SLC22A16: variants seen among roughly 807,000 people sequenced by gnomAD.
SLC22A16 encodes WUGSC:RG331P03.1.
In SLC22A16, 53 loss-of-function variants were observed where a neutral mutation model predicts 52.9. The observed-to-expected ratio is 1.00, with a 90% CI of 0.80 to 1.26. The LOEUF (loss-of-function observed/expected upper bound fraction) is 1.26. Ranked by LOEUF, SLC22A16 falls within the 50% of genes most tolerant of loss-of-function variation. The pLI is 0.00. For missense variants in SLC22A16, 726 were observed against 704.0 expected (o/e 1.03, Z -0.35); for synonymous variants, 291 against 268.8 (o/e 1.08, Z -0.81).
chr6:110,431,052 C>G, intron 7 of SLC22A16, 119 bp downstream of exon 7: 2 of 840,364 alleles, frequency 2.4e-6, no homozygotes, highest in Non-Finnish European at 3.8e-6. Context: ...GTTGTTTCTA[C>G]AAACCCCATT....
intron 1 of SLC22A16, among the ~76,000 whole-genome samples, chr6:110,466,914 T>TAGAC (rs1776084166): frequency 1.7e-5 from 1 of 58,030 alleles, no homozygotes; most frequent in East Asian, 3.4e-4. Flanking sequence ...GAAAATGTGA[T>TAGAC]AGATAGATAG....
At chr6:110,466,030 A>G (rs1167845864) in intron 1 of SLC22A16, among the ~76,000 whole-genome samples, 1 of 152,148 alleles carries the variant, frequency 6.6e-6, no homozygotes, top group African/African-American at 2.4e-5. Flanking sequence ...AAAATAAACA[A>G]TGGGAAAAGG....
chr6:110,428,411 G>A (rs1445274315), intron 7 of SLC22A16, among the ~76,000 whole-genome samples: 3 of 152,184 alleles, frequency 2.0e-5, no homozygotes, highest in African/African-American at 7.2e-5. Context: ...TGACTGCTCT[G>A]TGCTCACTTT....
intron 7 of SLC22A16, 180 bp from the exon 8 acceptor site, chr6:110,425,265 A>T: frequency 6.6e-7 from 1 of 1,513,216 alleles, no homozygotes; most frequent in South Asian, 1.3e-5. Flanking sequence ...TCTTTTCCTC[A>T]TCAACGAGGT....
rs1485810430 is a variant in SLC22A16 at position 110,476,569 on chromosome 6, C to T, written c.6G>A (p.Gly2=). The T allele has an allele frequency of 2.0e-6, 3 of 1,534,374 alleles. No homozygotes were observed. The highest frequency in any genetic ancestry group is 2.4e-5 in the South Asian group (2 of 82,990). The change falls in exon 1 of 8, where the codon GGG becomes GGA. Residue 2 remains glycine (G), a synonymous_variant. Coordinates refer to ENST00000368919, the MANE Select transcript of SLC22A16 (RefSeq NM_033125.4). M[G]SRHFEGIYDH... is the part of the protein sequence containing the mutation. Reference sequence around the variant, plus strand: ...CATAAATCCCCTCGAAGTGGCGGGACCCCATGGTGCGGCCGTGCACTGGGC... The same window carrying T: ...CATAAATCCCCTCGAAGTGGCGGGATCCCATGGTGCGGCCGTGCACTGGGC...
chr6:110,442,559 C>T lies in SLC22A16; in HGVS notation c.868G>A (p.Glu290Lys). 6.2e-7 allele frequency: 1 copy of T among 1,614,184 alleles called. No homozygotes were observed. The highest frequency in any genetic ancestry group is 1.3e-5 in the African/African-American group (1 of 75,052). The part of the protein sequence containing the change: ...PFILCCWVLP[E>K]TPFWLLSEGR... ...TCTGAGAGAAGCCAAAAAGGTGTCT[C>T]TGGGAGCACCCAACAGCACAGGATA... Residue 290 changes from glutamate (E) to lysine (K), a missense_variant, in exon 4 of 8, where the codon GAG becomes AAG. Transcript: ENST00000368919.
rs773847290 is a variant in SLC22A16 at position 110,431,226 on chromosome 6, C to T, written c.1466G>A (p.Ser489Asn). 2 of 1,613,462 alleles carry T rather than the reference C, an allele frequency of 1.2e-6. No homozygotes were observed. Among genetic ancestry groups the T allele is most frequent in the Non-Finnish European group, 1.7e-6 (2 of 1,179,962 alleles). ...GSGSMVCRLASILAPFSVDLS... is the reference protein window; with the variant it reads ...GSGSMVCRLANILAPFSVDLS... Reference sequence around the variant, plus strand: ...GTCCACAGAGAACGGCGCCAGGATGCTGGCCAGGCGACACACCATGCTGCC... The same window carrying T: ...GTCCACAGAGAACGGCGCCAGGATGTTGGCCAGGCGACACACCATGCTGCC... Residue 489 changes from serine (S) to asparagine (N), a missense_variant, in exon 7 of 8, where the codon AGC (serine) becomes AAC (asparagine). Ser to Asn is a conservative substitution (Grantham distance 46). Transcript: ENST00000368919.
chr6:110,472,575 G>A (rs1287687156), intron 1 of SLC22A16, among the ~76,000 whole-genome samples: 1 of 152,096 alleles, frequency 6.6e-6, no homozygotes, highest in Non-Finnish European at 1.5e-5. Context: ...CCATGTGCTA[G>A]AAAGGTCCTA....
At position 110,438,854 on chromosome 6, in the gene SLC22A16, T is replaced by C. The variant is rs771198939; in HGVS notation, c.1184-7A>G. 8.1e-6 allele frequency: 13 copies of C among 1,613,678 alleles called. No homozygotes were observed. Among genetic ancestry groups the C allele is most frequent in the Non-Finnish European group, 1.1e-5 (13 of 1,179,776 alleles). On this transcript the variant is annotated splice_region_variant and splice_polypyrimidine_tract_variant and intron_variant, in intron 4 of 7. Transcript: ENST00000368919. ...GCGGGAATTTCCACTACACCTGTCA[T>C]TGAGCAAGCAGCCCTCTATAAGTCT...
intron 6 of SLC22A16, among the ~76,000 whole-genome samples, chr6:110,433,209 A>C (rs1286690986): frequency 1.3e-5 from 2 of 152,188 alleles, no homozygotes; most frequent in East Asian, 1.9e-4. Flanking sequence ...TTCCTCTGCT[A>C]TTCTATACCC....
chr6:110,434,584 C>G (rs1431136072), intron 6 of SLC22A16, among the ~76,000 whole-genome samples: 3 of 134,062 alleles, frequency 2.2e-5, no homozygotes, highest in African/African-American at 8.5e-5. Flanking sequence ...CCCTGAGGTT[C>G]CCAGATCAGT....
At chr6:110,452,826 C>T (rs62421688) in intron 2 of SLC22A16, among the ~76,000 whole-genome samples, 7,150 of 152,218 alleles carry the variant, frequency 0.047, 220 homozygotes, top group South Asian at 0.088. Flanking sequence ...TCATCAAATG[C>T]TTTTCCTATA....
intron 7 of SLC22A16, among the ~76,000 whole-genome samples, chr6:110,425,648 G>A (rs946626057): frequency 1.3e-5 from 2 of 152,362 alleles, no homozygotes; most frequent in South Asian, 4.1e-4. Context: ...CTACTTTATG[G>A]GGCAGGGATC....
Position 110,424,913 on chromosome 6 carries a change from G to A in SLC22A16, c.1694C>T (p.Thr565Met), listed in dbSNP as rs757260946. The change falls in exon 8 of 8, where the codon ACG (threonine) becomes ATG (methionine). Residue 565 changes from threonine to methionine, a missense_variant. Physicochemically the swap from Thr to Met is moderately conservative, Grantham distance 81 (BLOSUM62 -1). Coordinates refer to ENST00000368919, the MANE Select transcript of SLC22A16 (RefSeq NM_033125.4). ...AGAATCCCTGGGGGTAATCGCTTCC[G>A]TTTTTTCCAGCCCACTATTATTAGT... is the stretch of plus-strand genomic sequence containing the variant. Reference protein sequence around the residue: ...LTTNNSGLEKTEAITPRDSGL... With the variant: ...LTTNNSGLEKMEAITPRDSGL... 3.1e-5 allele frequency: 50 copies of A among 1,613,930 alleles called. No individual in the cohort carries two copies. The Admixed American group carries it at 4.5e-4, about 15-fold the overall frequency.
At chr6:110,438,296 C>T (rs1205625951) in intron 5 of SLC22A16, among the ~76,000 whole-genome samples, 2 of 152,152 alleles carry the variant, frequency 1.3e-5, no homozygotes, top group African/African-American at 4.8e-5. Flanking sequence ...CTGGTCATCT[C>T]TGGGAATTAG....
chr6:110,457,018 C>G lies in SLC22A16; in HGVS notation c.54-1G>C. Reference sequence around the variant, plus strand: ...TATGAAATAGAGGACTCTCTGGAATCTGCAAGAGAAGAAAAGCTAATTATT... The same window carrying G: ...TATGAAATAGAGGACTCTCTGGAATGTGCAAGAGAAGAAAAGCTAATTATT... On this transcript the variant is annotated splice_acceptor_variant, in intron 1 of 7. Transcript: ENST00000368919. LOFTEE classifies it high-confidence loss of function. 6.6e-7 allele frequency: 1 copy of G among 1,519,636 alleles called. No homozygotes were observed. The highest frequency in any genetic ancestry group is 8.8e-7 in the Non-Finnish European group (1 of 1,136,626). The allele number at this position is 1,519,636 out of a possible 1,614,324, so 94.1% of individuals were successfully genotyped here. A position where few individuals can be genotyped will look rare whatever the true frequency, so the allele number is the denominator to read the frequency against.
chr6:110,446,209 C>T (rs916935712), intron 3 of SLC22A16, among the ~76,000 whole-genome samples: 1 of 152,148 alleles, frequency 6.6e-6, no homozygotes, highest in African/African-American at 2.4e-5. Context: ...TATCTGGAAG[C>T]CTCACTGAGC....
At chr6:110,455,283 A>G (rs182162425) in intron 2 of SLC22A16, 1 of 152,174 alleles carries the variant, frequency 6.6e-6, no homozygotes, top group East Asian at 1.9e-4. Flanking sequence ...TTGAGTTTCA[A>G]GAGTCAAGCA....
At chr6:110,445,085 C>T (rs1775117169) in intron 3 of SLC22A16, among the ~76,000 whole-genome samples, 1 of 152,142 alleles carries the variant, frequency 6.6e-6, no homozygotes. Context: ...AATCCACCCC[C>T]TCATAGCAGC....
Sources: allele counts gnomAD v4.1 joint callset (sites outside exome capture counted in the v4.1 genomes callset), GRCh38; gene constraint gnomAD v4.1.1; transcripts MANE v1.5; gene names NCBI Gene and HGNC (gene_info 2026-07-23, HGNC 2026-07-21).